Variants in STAC observed in about 807,000 individuals in gnomAD.
STAC encodes SH3 and cysteine rich domain.
STAC carries 43 observed loss-of-function variants against 48.8 expected under a neutral mutation model. The observed-to-expected ratio is 0.88, with a 90% confidence interval of 0.69 to 1.14. STAC has a LOEUF of 1.14. Ranked by LOEUF, STAC falls within the 50% of genes most tolerant of loss-of-function variation. STAC has a pLI of 0.00. For missense variants in STAC, 497 were observed against 504.0 expected (o/e 0.99, Z 0.13); for synonymous variants, 193 against 179.5 (o/e 1.07, Z -0.60).
intron 5 of STAC, among the ~76,000 whole-genome samples, chr3:36,491,929 G>A (rs111249556): frequency 0.019 from 2,561 of 136,486 alleles, 23 homozygotes; most frequent in Non-Finnish European, 0.021. Context: ...CACAAGAATC[G>A]CTTGAACCCA....
At chr3:36,431,228 A>G (rs1000848632) in intron 1 of STAC, among the ~76,000 whole-genome samples, 2 of 151,222 alleles carry the variant, frequency 1.3e-5, no homozygotes, top group African/African-American at 4.9e-5. Context: ...TCATATTTCC[A>G]TCTTCTCTTT....
chr3:36,446,141 C>A (rs1401377630), intron 2 of STAC, among the ~76,000 whole-genome samples: 1 of 152,212 alleles, frequency 6.6e-6, no homozygotes, highest in East Asian at 1.9e-4. Context: ...GGCTCTCAGA[C>A]CTGTTGTGTT....
At chr3:36,448,909 C>G (rs1281672489) in intron 2 of STAC, among the ~76,000 whole-genome samples, 1 of 147,052 alleles carries the variant, frequency 6.8e-6, no homozygotes, top group African/African-American at 2.5e-5. Context: ...GAACCCCCCC[C>G]CCCACTCCCG....
intron 1 of STAC, among the ~76,000 whole-genome samples, chr3:36,390,456 T>C (rs961300075): frequency 1.5e-4 from 20 of 137,318 alleles, no homozygotes; most frequent in South Asian, 4.4e-4. Context: ...CTTTTCTTTT[T>C]TTTTTTTTTT....
intron 1 of STAC, among the ~76,000 whole-genome samples, chr3:36,408,806 G>T (rs959059069): frequency 6.6e-6 from 1 of 152,130 alleles, no homozygotes; most frequent in Non-Finnish European, 1.5e-5. Context: ...ACTGTCCCTA[G>T]AGTCTCTCTG....
At chr3:36,390,351 C>T (rs1575169811) in intron 1 of STAC, among the ~76,000 whole-genome samples, 1 of 151,206 alleles carries the variant, frequency 6.6e-6, no homozygotes, top group Admixed American at 6.6e-5. Flanking sequence ...AAAGATAGGT[C>T]GTGTTCCTAG....
intron 4 of STAC, 94 bp from the exon 5 acceptor site, chr3:36,486,040 C>A: frequency 1.1e-6 from 1 of 910,622 alleles, no homozygotes; most frequent in Non-Finnish European, 1.7e-6. Flanking sequence ...ACAGAGCCTG[C>A]TTCTCAGGCG....
intron 10 of STAC, among the ~76,000 whole-genome samples, chr3:36,540,411 G>A (rs62243791): frequency 1.4e-3 from 220 of 152,268 alleles, no homozygotes; most frequent in Non-Finnish European, 2.0e-3. Context: ...CTCTGGGATA[G>A]GGAGATACCC....
intron 1 of STAC, among the ~76,000 whole-genome samples, chr3:36,381,257 T>C (rs1699504619): frequency 6.6e-6 from 1 of 152,206 alleles, no homozygotes; most frequent in African/African-American, 2.4e-5. Context: ...AAGAAAGGGT[T>C]TGCCTGCGTT....
chr3:36,528,877 T>G lies in STAC; in HGVS notation c.1002T>G (p.Phe334Leu), dbSNP rs1233235378. Residue 334 changes from phenylalanine (F) to leucine (L), a missense_variant, in exon 10 of 11, where the codon TTT becomes TTG. Coordinates refer to ENST00000273183, the MANE Select transcript of STAC (RefSeq NM_003149.3). ...AAATTCAAGACAGAATTGGCTTCTT[T>G]CCAGCCAACTTTGTTCAGAGACTAC... ...KGKIQDRIGF[F>L]PANFVQRLQQ... 1 of 1,613,674 alleles carries G rather than the reference T, an allele frequency of 6.2e-7. No homozygotes were observed. Among genetic ancestry groups the G allele is most frequent in the Non-Finnish European group, 8.5e-7 (1 of 1,179,814 alleles).
chr3:36,429,396 T>C (rs920571563), intron 1 of STAC, among the ~76,000 whole-genome samples: 2 of 152,176 alleles, frequency 1.3e-5, no homozygotes, highest in African/African-American at 4.8e-5. Flanking sequence ...GAGAGAGATA[T>C]TCCTTATGAC....
Position 36,473,527 on chromosome 3 carries a change from A to T in STAC, c.389-9465A>T, listed in dbSNP as rs113745730. Among the ~76,000 whole-genome samples the T allele has an allele frequency of 1.6e-3, 242 of 152,298 alleles. 1 individual carries two copies. The highest frequency in any genetic ancestry group is 4.2e-3 in the African/African-American group (173 of 41,564). ...CCCTTCATTTTCCCATTTTGTGCTC[A>T]TGACAGCCTTTCTCAGATGCACAGA... On this transcript the variant is annotated intron_variant, in intron 2 of 10. Transcript: ENST00000273183.
At chr3:36,517,402 C>T (rs145662030) in intron 8 of STAC, among the ~76,000 whole-genome samples, 161 of 152,316 alleles carry the variant, frequency 1.1e-3, no homozygotes, top group African/African-American at 3.7e-3. Context: ...GTAATCCCAG[C>T]ACTGTGGGAG....
intron 10 of STAC, among the ~76,000 whole-genome samples, chr3:36,537,613 C>A (rs926954568): frequency 6.6e-6 from 1 of 152,032 alleles, no homozygotes; most frequent in Non-Finnish European, 1.5e-5. Flanking sequence ...GGCTTAATAC[C>A]TAGGTGATGG....
At chr3:36,519,740 CAT>C (rs777531503) in intron 8 of STAC, among the ~76,000 whole-genome samples, 42 of 152,212 alleles carry the variant, frequency 2.8e-4, no homozygotes, top group Admixed American at 8.5e-4. Flanking sequence ...AAATTGAACA[CAT>C]GTCAGAATTT....
chr3:36,492,176 T>C (rs899561394), intron 5 of STAC, among the ~76,000 whole-genome samples: 5 of 149,518 alleles, frequency 3.3e-5, no homozygotes, highest in African/African-American at 1.2e-4. Flanking sequence ...TGTGGTATGC[T>C]AGTAAATGTT....
intron 10 of STAC, among the ~76,000 whole-genome samples, chr3:36,540,324 A>G (rs975814787): frequency 6.6e-6 from 1 of 152,172 alleles, no homozygotes; most frequent in Non-Finnish European, 1.5e-5. Context: ...ATTTGGGGTA[A>G]TTTATTGTAG....
At chr3:36,414,772 G>GTTCTGTT (rs1398095563) in intron 1 of STAC, among the ~76,000 whole-genome samples, 1 of 152,120 alleles carries the variant, frequency 6.6e-6, no homozygotes, top group East Asian at 1.9e-4. Flanking sequence ...CAGTTTTTCT[G>GTTCTGTT]TTCTGTTTTT....
intron 8 of STAC, among the ~76,000 whole-genome samples, chr3:36,511,585 C>G (rs1698540459): frequency 6.6e-6 from 1 of 152,214 alleles, no homozygotes; most frequent in African/African-American, 2.4e-5. Context: ...GCACTCAAAA[C>G]TATTTAATTG....
Sources: gnomAD v4.1 joint callset for allele counts (sites outside exome capture counted in the v4.1 genomes callset) on GRCh38, gnomAD v4.1.1 for gene constraint, MANE v1.5 for transcripts, NCBI Gene and HGNC (gene_info 2026-07-23, HGNC 2026-07-21) for gene names.